SMAD2: variants seen among roughly 807,000 people sequenced by gnomAD.
SMAD2 encodes the protein MAD homolog 2.
SMAD2 carries 8 observed loss-of-function variants against 64.4 expected under a neutral mutation model. That is an observed-to-expected ratio of 0.12 (90% CI 0.07 to 0.22). The LOEUF (loss-of-function observed/expected upper bound fraction) is 0.22, where lower values mean the gene tolerates loss of function less well. Ranked by LOEUF, SMAD2 falls within the 10% of genes least tolerant of loss-of-function variation. The pLI is 1.00. For missense variants in SMAD2, 289 were observed against 561.2 expected, an observed-to-expected ratio of 0.51 and a Z score of 4.90; for synonymous variants, 203 against 195.8, an observed-to-expected ratio of 1.04 and a Z score of -0.31.
At chr18:47,889,906 G>A (rs372710386) in intron 2 of SMAD2, among the ~76,000 whole-genome samples, 15 of 152,326 alleles carry the variant, frequency 9.8e-5, no homozygotes, top group African/African-American at 3.6e-4. Flanking sequence ...AGAAAAGAGG[G>A]TATATTGTTC....
rs1278601537 is a variant in SMAD2, at chr18:47,838,818, G to GA, written c.*3008dup. On this transcript the variant is annotated 3_prime_UTR_variant, in exon 11 of 11. Coordinates refer to ENST00000262160, the MANE Select transcript of SMAD2 (RefSeq NM_005901.6). ...CAAGGTGTCTCTGTGGAACCTACTG[G>GA]AAAAAATATTACTCATCTTAGAAAT... 4.3e-6 allele frequency: 1 copy of GA among 232,602 alleles called. No homozygotes were observed. The highest frequency in any genetic ancestry group is 8.5e-6 in the Non-Finnish European group (1 of 117,690). The allele number at this position is 232,602 out of a possible 1,614,324, so 14.4% of individuals were successfully genotyped here.
rs531850918 is a variant in SMAD2, at chr18:47,827,033, C to G, written c.*14794G>C. Reference sequence around the variant, plus strand: ...AATTGGCACAATCAGGGTCCAAACCCCAGGCCTCCGATTCTGAGTCAAACT... The same window carrying G: ...AATTGGCACAATCAGGGTCCAAACCGCAGGCCTCCGATTCTGAGTCAAACT... On this transcript the variant is annotated 3_prime_UTR_variant, in exon 11 of 11. Coordinates refer to ENST00000262160, the MANE Select transcript of SMAD2 (RefSeq NM_005901.6). 1 of 152,304 alleles carries G rather than the reference C, an allele frequency of 6.6e-6. No homozygotes were observed. Among genetic ancestry groups the G allele is most frequent in the East Asian group, 1.9e-4 (1 of 5,188 alleles). The allele number at this position is 152,304 out of a possible 1,614,324, so 9.4% of individuals were successfully genotyped here. A position where few individuals can be genotyped will look rare whatever the true frequency, so the allele number is the denominator to read the frequency against.
intron 10 of SMAD2, 90 bp downstream of exon 10, chr18:47,845,250 A>T: frequency 7.7e-7 from 1 of 1,301,428 alleles, no homozygotes; most frequent in Non-Finnish European, 1.1e-6. Flanking sequence ...CCTCATTGAA[A>T]ATAGATACAA....
At chr18:47,875,700 A>G (rs2032223904) in intron 2 of SMAD2, among the ~76,000 whole-genome samples, 1 of 152,120 alleles carries the variant, frequency 6.6e-6, no homozygotes, top group Admixed American at 6.6e-5. Flanking sequence ...TCCTCTTTCA[A>G]TTTTATTTAT....
chr18:47,868,565 C>G, intron 4 of SMAD2, 108 bp from the exon 5 acceptor site: 1 of 844,830 alleles, frequency 1.2e-6, no homozygotes, highest in East Asian at 2.6e-5. Flanking sequence ...ATTTTTAAAG[C>G]TAGGGTCCAC....
At chr18:47,850,842 T>A (rs777373964) in intron 7 of SMAD2, among the ~76,000 whole-genome samples, 89 of 6,002 alleles carry the variant, frequency 0.015, 11 homozygotes, top group Middle Eastern at 0.17. Flanking sequence ...ATTATGTATA[T>A]TATATATTAT....
At chr18:47,913,818 G>A (rs927119958) in intron 1 of SMAD2, among the ~76,000 whole-genome samples, 1 of 152,170 alleles carries the variant, frequency 6.6e-6, no homozygotes, top group Non-Finnish European at 1.5e-5. Flanking sequence ...GTTCTCTACT[G>A]AAATAAATTT....
chr18:47,917,357 AT>A (rs2034378064), intron 1 of SMAD2, among the ~76,000 whole-genome samples: 1 of 152,202 alleles, frequency 6.6e-6, no homozygotes, highest in South Asian at 2.1e-4. Context: ...AAACTATGTC[AT>A]CATACTTTTA....
chr18:47,844,591 A>G (rs1914310220), intron 10 of SMAD2, among the ~76,000 whole-genome samples: 1 of 152,206 alleles, frequency 6.6e-6, no homozygotes, highest in Non-Finnish European at 1.5e-5. Context: ...AAAGAGGTAA[A>G]GAGTCCAGGA....
In SMAD2 at chr18:47,810,265, C is replaced by T. The variant is rs1912160775; in HGVS notation, c.*31562G>A. The T allele has an allele frequency of 6.6e-6, 1 of 152,448 alleles. No homozygotes were observed. Among genetic ancestry groups the T allele is most frequent in the Non-Finnish European group, 1.5e-5 (1 of 68,092 alleles). The allele number at this position is 152,448 out of a possible 1,614,324, so 9.4% of individuals were successfully genotyped here. A position where few individuals can be genotyped will look rare whatever the true frequency, so the allele number is the denominator to read the frequency against. ...AAGAGGTCGCCAACCAAGTCATTTC[C>T]CTGTCCCCAAACCTCCTGAGCCTTC... On this transcript the variant is annotated 3_prime_UTR_variant, in exon 11 of 11. Coordinates refer to ENST00000262160, the MANE Select transcript of SMAD2 (RefSeq NM_005901.6).
chr18:47,903,183 C>G (rs1314445433), intron 1 of SMAD2, among the ~76,000 whole-genome samples: 3 of 152,058 alleles, frequency 2.0e-5, no homozygotes, highest in Non-Finnish European at 2.9e-5. Flanking sequence ...CTGCCAAGGG[C>G]TGCGGTAGGA....
intron 6 of SMAD2, chr18:47,853,541 A>G (rs1391599873): frequency 3.8e-5 from 7 of 184,178 alleles, no homozygotes; most frequent in Non-Finnish European, 7.7e-5. Context: ...AAAAAAAAAA[A>G]AGAGTAAGAT....
At chr18:47,902,338 T>G (rs1313416715) in intron 1 of SMAD2, among the ~76,000 whole-genome samples, 2 of 152,228 alleles carry the variant, frequency 1.3e-5, no homozygotes. Context: ...GCTTTTCTAG[T>G]TGTTTTATTA....
intron 2 of SMAD2, among the ~76,000 whole-genome samples, chr18:47,883,068 A>C (rs2032701249): frequency 6.6e-6 from 1 of 151,768 alleles, no homozygotes; most frequent in South Asian, 2.1e-4. Flanking sequence ...TCTGATTTCT[A>C]CTCTTAATTT....
At position 47,848,530 on chromosome 18, in the gene SMAD2, A is replaced by G. The variant is rs2144299754; in HGVS notation, c.942T>C (p.Gly314=). 1 of 1,613,998 alleles carries G rather than the reference A, an allele frequency of 6.2e-7. No homozygotes were observed. Among genetic ancestry groups the G allele is most frequent in the Non-Finnish European group, 8.5e-7 (1 of 1,179,922 alleles). The part of the protein sequence containing the change: ...DPSNSERFCL[G]LLSNVNRNAT... The stretch of plus-strand genomic sequence containing the variant: ...CATTTCGGTTAACATTGGAGAGTAA[A>G]CCTAAGCAGAACCTCTCTGAATTTG... Residue 314 remains glycine (G), a synonymous_variant, in exon 8 of 11, where the codon GGT becomes GGC. Transcript: ENST00000262160.
In SMAD2 at chr18:47,850,420, A is replaced by AAC. The variant is rs1361387095; in HGVS notation, c.784+853_784+854insGT. On this transcript the variant is annotated intron_variant, in intron 7 of 10. Coordinates refer to ENST00000262160, the MANE Select transcript of SMAD2 (RefSeq NM_005901.6). ...ATTATATATTATGTATAATATATATAATATATTATATATATTATGTATAAT... is the reference window on the plus strand; with the variant it reads ...ATTATATATTATGTATAATATATATAACATATATTATATATATTATGTATAAT... Among the ~76,000 whole-genome samples the AAC allele has an allele frequency of 1.5e-4, 2 of 13,014 alleles. 1 individual carries two copies. Among genetic ancestry groups the AAC allele is most frequent in the Non-Finnish European group, 2.4e-4 (2 of 8,278 alleles). 8.5% of individuals were successfully genotyped at this position (13,014 alleles called of 152,430 possible). A position where few individuals can be genotyped will look rare whatever the true frequency, so the allele number is the denominator to read the frequency against.
chr18:47,883,381 T>C lies in SMAD2; in HGVS notation c.237-12817A>G, dbSNP rs80152518. On this transcript the variant is annotated intron_variant, in intron 2 of 10. Transcript: ENST00000262160. ...TACTTTGGATTTCAATCTTTTAAAA[T>C]TGATTGAGACTTGTGCCCTGTAAAC... Among the ~76,000 whole-genome samples the C allele has an allele frequency of 1.9e-3, 292 of 152,354 alleles. 1 individual carries two copies. The highest frequency in any genetic ancestry group is 6.4e-3 in the African/African-American group (268 of 41,580).
chr18:47,883,026 G>A (rs566240559), intron 2 of SMAD2, among the ~76,000 whole-genome samples: 3 of 152,086 alleles, frequency 2.0e-5, no homozygotes, highest in South Asian at 2.1e-4. Flanking sequence ...TCTAACAAGC[G>A]TTTATCTCTC....
In SMAD2 at chr18:47,819,230, G is replaced by A. The variant is rs546306684; in HGVS notation, c.*22597C>T. On this transcript the variant is annotated 3_prime_UTR_variant, in exon 11 of 11. Transcript: ENST00000262160. ...AATTTTTGCCTGAATTTACTACTCAGTTTTATATTTGTCTCTGTTAGACTT... is the reference window on the plus strand; with the variant it reads ...AATTTTTGCCTGAATTTACTACTCAATTTTATATTTGTCTCTGTTAGACTT... The A allele has an allele frequency of 1.1e-4, 16 of 152,070 alleles. No homozygotes were observed. Among genetic ancestry groups the A allele is most frequent in the Non-Finnish European group, 1.8e-4 (12 of 68,022 alleles). The allele number at this position is 152,070 out of a possible 1,614,324, so 9.4% of individuals were successfully genotyped here.
Sources: allele counts gnomAD v4.1 joint callset (sites outside exome capture counted in the v4.1 genomes callset), GRCh38; gene constraint gnomAD v4.1.1; transcripts MANE v1.5; gene names NCBI Gene and HGNC (gene_info 2026-07-23, HGNC 2026-07-21).